The following EXD3 variants were observed in gnomAD, a reference collection of about 807,000 sequenced individuals.
The protein encoded by EXD3 is exonuclease 3'-5' domain containing 3, also known as exonuclease mut-7 homolog.
In EXD3, 92 loss-of-function variants were observed where a neutral mutation model predicts 98.0. The ratio of observed to expected loss-of-function variants is 0.94; its 90% CI spans 0.79 to 1.12. The LOEUF is 1.12. EXD3 is among the 50% of genes most tolerant of loss of function. The pLI is 0.00. For synonymous variants in EXD3, 569 were observed against 526.0 expected (o/e 1.08, Z -1.12); for missense variants, 1,222 against 1,191.6 (o/e 1.03, Z -0.38).
chr9:137,349,666 C>G lies in EXD3; in HGVS notation c.1495-135G>C. The G allele has an allele frequency of 1.0e-6, 1 of 966,716 alleles. No individual in the cohort carries two copies. The allele number at this position is 966,716 out of a possible 1,614,324, so 59.9% of individuals were successfully genotyped here. A position where few individuals can be genotyped will look rare whatever the true frequency, so the allele number is the denominator to read the frequency against. On this transcript the variant is annotated intron_variant, in intron 14 of 21. Coordinates refer to ENST00000340951, the MANE Select transcript of EXD3 (RefSeq NM_017820.5). This position sits in a 1 kb window ranked among gnomAD's most constrained non-coding sequence, Gnocchi z 7.4. Reference sequence around the variant, plus strand: ...CCACCAGCGGCCCCCACAGCAGAGACGGGGAGAAGGAGCGGACACATCCGA... The same window carrying G: ...CCACCAGCGGCCCCCACAGCAGAGAGGGGGAGAAGGAGCGGACACATCCGA...
Position 137,388,182 on chromosome 9 carries a change from G to C in EXD3, c.56-4805C>G, listed in dbSNP as rs567148264. Among the ~76,000 whole-genome samples, 45 of 152,112 alleles carry C rather than the reference G, an allele frequency of 3.0e-4. 1 individual carries two copies. In the East Asian group the frequency reaches 8.7e-3, roughly 30 times the overall value. On this transcript the variant is annotated intron_variant, in intron 2 of 21. Coordinates refer to ENST00000340951, the MANE Select transcript of EXD3 (RefSeq NM_017820.5). Reference sequence around the variant, plus strand: ...GAATCATGGTCCCTGCCCAGCACCAGAGCCTGGTGCCCACACTGGCTTCCC... The same window carrying C: ...GAATCATGGTCCCTGCCCAGCACCACAGCCTGGTGCCCACACTGGCTTCCC...
At chr9:137,389,410 C>T (rs547620212) in intron 2 of EXD3, among the ~76,000 whole-genome samples, 1 of 152,328 alleles carries the variant, frequency 6.6e-6, no homozygotes, top group Non-Finnish European at 1.5e-5. Context: ...GGTCCCCTCA[C>T]CCTCAGTCCT....
At chr9:137,354,409 A>G in intron 9 of EXD3, 32 bp from the exon 10 acceptor site, 1 of 1,612,074 alleles carries the variant, frequency 6.2e-7, no homozygotes, top group South Asian at 1.1e-5. Flanking sequence ...GGCGGTTGCC[A>G]GGCAGCTCCA....
chr9:137,321,870 C>T (rs1832049838), intron 19 of EXD3, among the ~76,000 whole-genome samples: 1 of 152,192 alleles, frequency 6.6e-6, no homozygotes, highest in African/African-American at 2.4e-5. Flanking sequence ...CACGGAGACC[C>T]TGGCGCCTTG....
Position 137,372,983 on chromosome 9 carries a change from G to T in EXD3, c.384C>A (p.Ile128=). The T allele has an allele frequency of 1.1e-5, 17 of 1,604,866 alleles. No individual in the cohort carries two copies. The highest frequency in any genetic ancestry group is 1.4e-5 in the Non-Finnish European group (16 of 1,179,724). Residue 128 remains isoleucine, a synonymous_variant, in exon 5 of 22, where the codon ATC becomes ATA. Coordinates refer to ENST00000340951, the MANE Select transcript of EXD3 (RefSeq NM_017820.5). ...TCCTGTCTGCATCCTGCAGCTGGAA[G>T]ATGCTGGCCAGTGGTGCCGCAAGGC... The part of the protein sequence containing the change: ...PPSLAAPLAS[I]FQLQDADRSC...
In EXD3 at chr9:137,307,185, G is replaced by A. The variant is rs768750030; in HGVS notation, c.2396C>T (p.Ala799Val). 15 of 1,584,728 alleles carry A rather than the reference G, an allele frequency of 9.5e-6. No homozygotes were observed. The highest frequency in any genetic ancestry group is 6.9e-5 in the South Asian group (6 of 87,564). ...GTCGGCCAGCATGTCCGGTGTCTCC[G>A]CCCGCAGGTCAGCCATCTGCAGCCA... is the stretch of plus-strand genomic sequence containing the variant. The part of the protein sequence containing the change: ...CRWLQMADLR[A>V]ETPDMLADGT... Residue 799 changes from alanine (A) to valine (V), a missense_variant, in exon 22 of 22, where the codon GCG becomes GTG. Ala to Val is a moderately conservative substitution (Grantham distance 64). Transcript: ENST00000340951.
intron 1 of EXD3, among the ~76,000 whole-genome samples, chr9:137,398,053 G>C (rs1019566015): frequency 6.6e-6 from 1 of 152,238 alleles, no homozygotes; most frequent in Non-Finnish European, 1.5e-5. Context: ...TGGAAACTCG[G>C]CAATAAAAAG....
chr9:137,308,867 A>G (rs1051584584), intron 20 of EXD3, among the ~76,000 whole-genome samples: 3 of 152,022 alleles, frequency 2.0e-5, no homozygotes, highest in Non-Finnish European at 2.9e-5. Flanking sequence ...AGATGGTCTC[A>G]ATCTCCTGAT....
rs926268636 is a variant in EXD3, at chr9:137,332,686, C to T, written c.1999-8543G>A. Among the ~76,000 whole-genome samples the T allele has an allele frequency of 2.3e-4, 35 of 149,824 alleles. No individual in the cohort carries two copies. In the East Asian group the frequency reaches 3.0e-3, roughly 13 times the overall value. On this transcript the variant is annotated intron_variant, in intron 17 of 21. Coordinates refer to ENST00000340951, the MANE Select transcript of EXD3 (RefSeq NM_017820.5). ...GTGAAACCCCGTCTCTACTAAAAAG[C>T]ACAAAAAAACTAGCCATGCATGGTG...
intron 11 of EXD3, among the ~76,000 whole-genome samples, 153 bp from the exon 12 acceptor site, chr9:137,352,354 C>G (rs72765138): frequency 0.018 from 2,791 of 152,268 alleles, 43 homozygotes; most frequent in Middle Eastern, 0.031. Flanking sequence ...CCCAGCGTGA[C>G]CCTTGCTCCT....
intron 17 of EXD3, among the ~76,000 whole-genome samples, chr9:137,345,532 A>G (rs1048231474): frequency 2.0e-5 from 3 of 151,888 alleles, no homozygotes; most frequent in African/African-American, 4.8e-5. Flanking sequence ...TGTAGTGGCG[A>G]GCACCTGTGA....
At chr9:137,314,536 C>G (rs979546515) in intron 19 of EXD3, among the ~76,000 whole-genome samples, 1 of 152,152 alleles carries the variant, frequency 6.6e-6, no homozygotes, top group Non-Finnish European at 1.5e-5. Context: ...CCCTAAGGCC[C>G]CGGGAACGTC....
chr9:137,354,301 G>T (rs1042081967), intron 10 of EXD3, 38 bp downstream of exon 10: 11 of 1,609,232 alleles, frequency 6.8e-6, no homozygotes, highest in African/African-American at 2.7e-5. Context: ...AGCCGCCCAG[G>T]CCGCCCTGCC....
intron 1 of EXD3, among the ~76,000 whole-genome samples, chr9:137,404,136 T>C (rs1837607834): frequency 6.6e-6 from 1 of 152,182 alleles, no homozygotes; most frequent in Admixed American, 6.5e-5. Context: ...ACACCAGTCC[T>C]ACTGGATTAG....
intron 1 of EXD3, among the ~76,000 whole-genome samples, chr9:137,416,245 AG>A (rs1838222900): frequency 6.6e-6 from 1 of 152,162 alleles, no homozygotes; most frequent in Non-Finnish European, 1.5e-5. Flanking sequence ...CCGCTCCACC[AG>A]GGGGAGGGCA....
Position 137,348,135 on chromosome 9 carries a change from A to C in EXD3, c.1934T>G (p.Leu645Arg). 5.6e-6 allele frequency: 9 copies of C among 1,612,044 alleles called. No homozygotes were observed. The highest frequency in any genetic ancestry group is 7.6e-6 in the Non-Finnish European group (9 of 1,179,688). Residue 645 changes from leucine (L) to arginine (R), a missense_variant, in exon 17 of 22, where the codon CTC (leucine) becomes CGC (arginine). Transcript: ENST00000340951. The stretch of plus-strand genomic sequence containing the variant: ...GCGTGCATCCACACCGAGACAGCGG[A>C]GGCTCCGTGCCAGCCCCTGCAGCAT... ...DNMLQGLARS[L>R]RCLGVDARML...
chr9:137,404,551 A>T (rs181345823), intron 1 of EXD3, among the ~76,000 whole-genome samples: 27 of 152,302 alleles, frequency 1.8e-4, no homozygotes, highest in African/African-American at 6.0e-4. Context: ...AATTCTGAAA[A>T]ATCATGCAAA....
chr9:137,408,219 G>A (rs575367405), intron 1 of EXD3, among the ~76,000 whole-genome samples: 14 of 152,200 alleles, frequency 9.2e-5, no homozygotes, highest in African/African-American at 2.2e-4. Context: ...GGCCCTGCAC[G>A]TGCCCCAAAG....
chr9:137,417,034 C>G (rs1287564120), intron 1 of EXD3, among the ~76,000 whole-genome samples: 1 of 152,262 alleles, frequency 6.6e-6, no homozygotes, highest in East Asian at 1.9e-4. Flanking sequence ...CTCGGCCTCC[C>G]TGTGGGCCTC....
Sources: allele counts gnomAD v4.1 joint callset (sites outside exome capture counted in the v4.1 genomes callset), GRCh38; gene constraint gnomAD v4.1.1; non-coding constraint Gnocchi (gnomAD v3.1); transcripts MANE v1.5; gene names NCBI Gene and HGNC (gene_info 2026-07-23, HGNC 2026-07-21).